Variants in SLX4IP observed in about 807,000 individuals in gnomAD.
SLX4IP encodes the protein SLX4 interacting protein.
SLX4IP carries 34 observed loss-of-function variants against 32.9 expected under a neutral mutation model. The observed-to-expected ratio is 1.03, with a 90% CI of 0.79 to 1.38. The LOEUF is 1.38. Ranked by LOEUF, SLX4IP falls within the 40% of genes most tolerant of loss-of-function variation. The pLI, the probability that SLX4IP is intolerant of heterozygous loss-of-function variation, is 0.00. For synonymous variants in SLX4IP, 172 were observed against 171.7 expected (o/e 1.00, Z -0.01); for missense variants, 444 against 479.0 (o/e 0.93, Z 0.68).
chr20:10,519,355 C>T (rs921571607), intron 2 of SLX4IP, among the ~76,000 whole-genome samples: 52 of 152,180 alleles, frequency 3.4e-4, no homozygotes, highest in Non-Finnish European at 1.6e-4. Flanking sequence ...TACTCGTCAG[C>T]AGTCATTCTC....
chr20:10,449,531 A>G (rs1359254132), intron 1 of SLX4IP, among the ~76,000 whole-genome samples: 1 of 152,174 alleles, frequency 6.6e-6, no homozygotes, highest in Non-Finnish European at 1.5e-5. Context: ...TGGACCTGAC[A>G]AGACTCTATC....
intron 6 of SLX4IP, among the ~76,000 whole-genome samples, chr20:10,619,369 A>G (rs2067081029): frequency 6.6e-6 from 1 of 151,812 alleles, no homozygotes. Flanking sequence ...ATGAGAGCCG[A>G]CTGCTCTGCT....
Position 10,495,293 on chromosome 20 carries a change from A to T in SLX4IP, c.27+37062A>T, listed in dbSNP as rs1426975653. 2.0e-5 allele frequency among the ~76,000 whole-genome samples: 3 copies of T among 152,216 alleles called. No individual in the cohort carries two copies. In the East Asian group the frequency reaches 5.8e-4, roughly 29 times the overall value. ...TTTAAGATTGCATATTAAATTTCTC[A>T]AATACCTTTTGAGAATATTTTCTAT... is the stretch of plus-strand genomic sequence containing the variant. On this transcript the variant is annotated intron_variant, in intron 2 of 7. Coordinates refer to ENST00000334534, the MANE Select transcript of SLX4IP (RefSeq NM_001009608.3).
chr20:10,566,381 G>A (rs2066394479), intron 4 of SLX4IP, among the ~76,000 whole-genome samples: 1 of 130,612 alleles, frequency 7.7e-6, no homozygotes, highest in East Asian at 2.4e-4. Flanking sequence ...TGGCCTGTTT[G>A]TATATTGCCA....
chr20:10,455,874 G>GTGCTGGGA, intron 1 of SLX4IP, among the ~76,000 whole-genome samples: 1 of 152,252 alleles, frequency 6.6e-6, no homozygotes, highest in Middle Eastern at 3.4e-3. Context: ...GCCTCCCAAA[G>GTGCTGGGA]TGCTGGGATT....
intron 2 of SLX4IP, among the ~76,000 whole-genome samples, chr20:10,490,000 G>A (rs2065607849): frequency 6.6e-6 from 1 of 152,020 alleles, no homozygotes; most frequent in Admixed American, 6.6e-5. Context: ...AAACAGGGAA[G>A]GGCCAAAAAA....
At chr20:10,546,146 G>A (rs1038632236) in intron 2 of SLX4IP, among the ~76,000 whole-genome samples, 2 of 152,152 alleles carry the variant, frequency 1.3e-5, no homozygotes, top group Admixed American at 6.6e-5. Flanking sequence ...AATTGATCCA[G>A]AACATGCTCC....
At chr20:10,522,399 T>TA (rs2065907511) in intron 2 of SLX4IP, among the ~76,000 whole-genome samples, 2 of 152,162 alleles carry the variant, frequency 1.3e-5, no homozygotes, top group South Asian at 4.1e-4. Context: ...AGTACAATGA[T>TA]ACGCGGAAAA....
intron 4 of SLX4IP, among the ~76,000 whole-genome samples, chr20:10,578,094 A>C (rs1289781048): frequency 1.3e-5 from 2 of 152,232 alleles, no homozygotes; most frequent in Non-Finnish European, 1.5e-5. Context: ...GATATAATTC[A>C]TATACAATTC....
At chr20:10,618,665 G>T (rs959058406) in intron 6 of SLX4IP, among the ~76,000 whole-genome samples, 1 of 152,128 alleles carries the variant, frequency 6.6e-6, no homozygotes, top group Non-Finnish European at 1.5e-5. Context: ...AATATGTTGG[G>T]TTTATCTTCA....
chr20:10,453,762 A>G (rs909918968), intron 1 of SLX4IP, among the ~76,000 whole-genome samples: 1 of 151,934 alleles, frequency 6.6e-6, no homozygotes, highest in Non-Finnish European at 1.5e-5. Context: ...TTTATCCCCA[A>G]TGCCTAAAAT....
chr20:10,464,590 G>T (rs1019423360), intron 2 of SLX4IP, among the ~76,000 whole-genome samples: 2 of 152,130 alleles, frequency 1.3e-5, no homozygotes, highest in African/African-American at 4.8e-5. Context: ...TCACATAGAT[G>T]CAGCCACTTT....
At chr20:10,463,023 C>T (rs1463646748) in intron 2 of SLX4IP, among the ~76,000 whole-genome samples, 1 of 152,140 alleles carries the variant, frequency 6.6e-6, no homozygotes, top group Non-Finnish European at 1.5e-5. Flanking sequence ...AGTTTGAGTT[C>T]AGCCTGGGCA....
intron 7 of SLX4IP, among the ~76,000 whole-genome samples, chr20:10,622,067 C>T (rs569241394): frequency 1.8e-4 from 28 of 152,296 alleles, no homozygotes; most frequent in Admixed American, 3.3e-4. Flanking sequence ...TTGTCTTCCA[C>T]GATTGTATTT....
At chr20:10,435,937 C>T (rs1259996117) in intron 1 of SLX4IP, among the ~76,000 whole-genome samples, 1 of 152,222 alleles carries the variant, frequency 6.6e-6, no homozygotes, top group Non-Finnish European at 1.5e-5. Context: ...TACATTTTAT[C>T]ACCTTGACAT....
At chr20:10,572,960 A>C (rs2066482720) in intron 4 of SLX4IP, among the ~76,000 whole-genome samples, 1 of 152,210 alleles carries the variant, frequency 6.6e-6, no homozygotes, top group Non-Finnish European at 1.5e-5. Flanking sequence ...ACAAGAGGCG[A>C]AAAAGAAAAA....
At chr20:10,443,722 A>G (rs899701319) in intron 1 of SLX4IP, among the ~76,000 whole-genome samples, 2 of 152,136 alleles carry the variant, frequency 1.3e-5, no homozygotes, top group African/African-American at 4.8e-5. Context: ...TCTCATGTTG[A>G]ATTGTAACCC....
chr20:10,499,532 A>G (rs982002669), intron 2 of SLX4IP, among the ~76,000 whole-genome samples: 1 of 152,218 alleles, frequency 6.6e-6, no homozygotes, highest in South Asian at 2.1e-4. Flanking sequence ...TGTATGAATG[A>G]TAATTTTCAT....
intron 1 of SLX4IP, among the ~76,000 whole-genome samples, chr20:10,446,454 C>T (rs967127295): frequency 6.8e-5 from 10 of 147,134 alleles, no homozygotes; most frequent in African/African-American, 2.5e-4. Context: ...CATTTTTGAA[C>T]AAGTTTTTAC....
Sources: allele counts gnomAD v4.1 joint callset (sites outside exome capture counted in the v4.1 genomes callset), GRCh38; gene constraint gnomAD v4.1.1; transcripts MANE v1.5; gene names NCBI Gene and HGNC (gene_info 2026-07-23, HGNC 2026-07-21).